CEP250: variants seen among roughly 807,000 people sequenced by gnomAD.
CEP250 encodes centrosome-associated protein CEP250.
A neutral mutation model predicts 315.7 loss-of-function variants in CEP250; 242 were observed. The observed-to-expected ratio is 0.77, with a 90% CI of 0.69 to 0.85. The LOEUF is 0.85. Ranked by LOEUF, CEP250 falls within the 40% of genes least tolerant of loss-of-function variation. The pLI is 0.00. For synonymous variants in CEP250, 1,088 were observed against 1,175.0 expected (o/e 0.93, Z 1.51); for missense variants, 2,515 against 2,886.4 (o/e 0.87, Z 2.95).
At chr20:35,506,553 T>C (rs1023627511) in intron 30 of CEP250, among the ~76,000 whole-genome samples, 1 of 152,116 alleles carries the variant, frequency 6.6e-6, no homozygotes, top group Non-Finnish European at 1.5e-5. Context: ...GGAAATAGAC[T>C]CTACATCCTG....
Position 35,503,791 on chromosome 20 carries a change from G to A in CEP250, c.5422G>A (p.Ala1808Thr). ...GTCACTTCAGAGTCAACTGGATGAG[G>A]CCCAGAGAGCCCTAGCCCAGAGGGA... ...EQSLQSQLDEAQRALAQRDQE... is the reference protein window; with the variant it reads ...EQSLQSQLDETQRALAQRDQE... The change falls in exon 30 of 35, where the codon GCC (alanine) becomes ACC (threonine). Residue 1808 changes from alanine (A) to threonine (T), a missense_variant. Ala to Thr is a moderately conservative substitution (Grantham distance 58, BLOSUM62 0). Transcript: ENST00000397527. The surrounding 1 kb of genome is among the most constrained non-coding windows in gnomAD (Gnocchi z 4.2). The A allele has an allele frequency of 3.7e-6, 6 of 1,613,896 alleles. No individual in the cohort carries two copies. Among genetic ancestry groups the A allele is most frequent in the Non-Finnish European group, 4.2e-6 (5 of 1,179,996 alleles).
intron 32 of CEP250, 77 bp downstream of exon 32, chr20:35,508,267 C>T: frequency 2.0e-6 from 3 of 1,488,566 alleles, no homozygotes; most frequent in Non-Finnish European, 2.8e-6. Flanking sequence ...CAGTAAATTA[C>T]AGCCTGTGGG....
chr20:35,476,781 C>T, intron 16 of CEP250, 186 bp downstream of exon 16: 1 of 517,542 alleles, frequency 1.9e-6, no homozygotes, highest in Non-Finnish European at 3.4e-6. Context: ...AGCAGAACCA[C>T]CTCTGGACTT....
chr20:35,491,413 T>C, intron 22 of CEP250, 67 bp downstream of exon 22: 1 of 1,522,586 alleles, frequency 6.6e-7, no homozygotes, highest in Non-Finnish European at 8.9e-7. Context: ...CCATGAAGGG[T>C]TCTTGGGCAC....
At chr20:35,481,010 C>T (rs1288177507) in intron 20 of CEP250, 1 of 152,080 alleles carries the variant, frequency 6.6e-6, no homozygotes, top group East Asian at 1.9e-4. Flanking sequence ...ATGATATATA[C>T]TTTATTTTAA....
rs781581265 is a variant in CEP250 at position 35,469,979 on chromosome 20, A to G, written c.941A>G (p.Glu314Gly). 6.2e-7 allele frequency: 1 copy of G among 1,610,162 alleles called. No homozygotes were observed. Among genetic ancestry groups the G allele is most frequent in the Non-Finnish European group, 8.5e-7 (1 of 1,176,392 alleles). Residue 314 changes from glutamate to glycine, a missense_variant, in exon 10 of 35, where the codon GAG (glutamate) becomes GGG (glycine). Glu to Gly is a moderately conservative substitution (Grantham distance 98, BLOSUM62 -2). Transcript: ENST00000397527. ...KMIKALRETV[E>G]ILETNHTELM... ...ATAAAGGCTCTGAGAGAGACAGTGGAGATCCTGGTACATGATCCTTTGCTC... is the reference window on the plus strand; with the variant it reads ...ATAAAGGCTCTGAGAGAGACAGTGGGGATCCTGGTACATGATCCTTTGCTC...
intron 28 of CEP250, among the ~76,000 whole-genome samples, chr20:35,501,368 G>A (rs1417342644): frequency 6.6e-6 from 1 of 152,134 alleles, no homozygotes; most frequent in Non-Finnish European, 1.5e-5. Context: ...AGGACACCTT[G>A]GGTCTGGGCC....
In CEP250 at chr20:35,493,448, A is replaced by C. The variant is rs762402549; in HGVS notation, c.2909A>C (p.Gln970Pro). ...CTTCAGGAGACCACTGGGATACTAC[A>C]GACCCAGCTCCAGGAGGCTCAACGG... Reference protein sequence around the residue: ...LKEQETTGILQTQLQEAQREL... With the variant: ...LKEQETTGILPTQLQEAQREL... The change falls in exon 23 of 35, where the codon CAG becomes CCG. Residue 970 changes from glutamine to proline, a missense_variant. By Grantham distance (76) the Gln-to-Pro change is moderately conservative. Transcript: ENST00000397527. 17 of 1,607,600 alleles carry C rather than the reference A, an allele frequency of 1.1e-5. No individual in the cohort carries two copies. The highest frequency in any genetic ancestry group is 1.7e-5 in the Admixed American group (1 of 58,934).
chr20:35,463,765 G>GAA, intron 5 of CEP250, 134 bp downstream of exon 5: 5 of 580,834 alleles, frequency 8.6e-6, no homozygotes, highest in Non-Finnish European at 1.3e-5. Flanking sequence ...CAGCCTCTGA[G>GAA]AGGTTTATCA....
rs771537421 is a variant in CEP250 at position 35,479,706 on chromosome 20, A to G, written c.2349A>G (p.Ile783Met). The change falls in exon 19 of 35, where the codon ATA becomes ATG. Residue 783 changes from isoleucine (I) to methionine (M), a missense_variant. Transcript: ENST00000397527. ...LFEAQQQNSVIEVTKGQLEVQ... is the reference protein window; with the variant it reads ...LFEAQQQNSVMEVTKGQLEVQ... The stretch of plus-strand genomic sequence containing the variant: ...AAGCCCAACAACAAAATTCTGTGAT[A>G]GAGGTCACCAAGGGGCAGCTGGAGG... 1.2e-6 allele frequency: 2 copies of G among 1,614,102 alleles called. No individual in the cohort carries two copies. The highest frequency in any genetic ancestry group is 2.7e-5 in the African/African-American group (2 of 74,928).
At chr20:35,463,447 C>A (rs1336767812) in intron 4 of CEP250, 128 bp from the exon 5 acceptor site, 2 of 626,418 alleles carry the variant, frequency 3.2e-6, no homozygotes, top group Non-Finnish European at 5.1e-6. Flanking sequence ...GATGTTATGG[C>A]CTTACCTTAC....
intron 25 of CEP250, 124 bp downstream of exon 25, chr20:35,496,839 G>C: frequency 9.2e-7 from 1 of 1,086,186 alleles, no homozygotes. Flanking sequence ...TACAGGATAG[G>C]CTGGTGCCTC....
At chr20:35,491,575 C>T (rs548226241) in intron 22 of CEP250, among the ~76,000 whole-genome samples, 1 of 152,174 alleles carries the variant, frequency 6.6e-6, no homozygotes, top group Admixed American at 6.5e-5. Flanking sequence ...TAAAGACCAA[C>T]CTGAGCAACA....
intron 17 of CEP250, among the ~76,000 whole-genome samples, chr20:35,478,569 CAA>C (rs1261846975): frequency 6.6e-6 from 1 of 152,086 alleles, no homozygotes; most frequent in African/African-American, 2.4e-5. Flanking sequence ...CTCAAAAAAA[CAA>C]AAAGAATTCT....
chr20:35,494,845 C>T (rs75730097), intron 24 of CEP250, among the ~76,000 whole-genome samples, 188 bp downstream of exon 24: 100 of 152,324 alleles, frequency 6.6e-4, no homozygotes, highest in African/African-American at 2.2e-3. Flanking sequence ...GTAAATATTT[C>T]GTGAACGCCT....
At chr20:35,481,976 C>G (rs2063357938) in intron 20 of CEP250, among the ~76,000 whole-genome samples, 1 of 151,926 alleles carries the variant, frequency 6.6e-6, no homozygotes, top group Non-Finnish European at 1.5e-5. Context: ...GTTGGGATTA[C>G]AGAGGTGAGC....
At position 35,508,091 on chromosome 20, in the gene CEP250, A is replaced by T. The variant is rs764501654; in HGVS notation, c.6807A>T (p.Arg2269Ser). ...ATGGAATGGAGAAGCAGTCATGGAG[A>T]CAAAGGCTTGAACACCTGCAGCAAG... ...SPDGMEKQSW[R>S]QRLEHLQQAV... Residue 2269 changes from arginine (R) to serine (S), a missense_variant, in exon 32 of 35, where the codon AGA (arginine) becomes AGT (serine). Physicochemically the swap from Arg to Ser is moderately radical, Grantham distance 110 (BLOSUM62 -1). Coordinates refer to ENST00000397527, the MANE Select transcript of CEP250 (RefSeq NM_007186.6). 3.7e-6 allele frequency: 6 copies of T among 1,614,164 alleles called. No homozygotes were observed. The highest frequency in any genetic ancestry group is 5.1e-6 in the Non-Finnish European group (6 of 1,180,018).
At chr20:35,501,474 G>A (rs766135153) in intron 28 of CEP250, among the ~76,000 whole-genome samples, 9 of 152,124 alleles carry the variant, frequency 5.9e-5, no homozygotes, top group South Asian at 2.1e-4. Flanking sequence ...AGAGCCACCC[G>A]GGTCTCTAGG....
intron 33 of CEP250, 112 bp downstream of exon 33, chr20:35,509,156 G>A: frequency 1.2e-6 from 1 of 833,412 alleles, no homozygotes; most frequent in East Asian, 2.7e-5. Flanking sequence ...AGTCCAGAGA[G>A]CCCCTCCTGA....
Sources: gnomAD v4.1 joint callset for allele counts (sites outside exome capture counted in the v4.1 genomes callset) on GRCh38, gnomAD v4.1.1 for gene constraint, Gnocchi (gnomAD v3.1) non-coding constraint, MANE v1.5 for transcripts, NCBI Gene and HGNC (gene_info 2026-07-23, HGNC 2026-07-21) for gene names.